Variants in RIN3 observed in about 807,000 individuals in gnomAD.
RIN3 encodes the protein Ras and Rab interactor 3.
A neutral mutation model predicts 76.3 loss-of-function variants in RIN3; 54 were observed. The observed-to-expected ratio is 0.71, with a 90% confidence interval of 0.57 to 0.89. RIN3 has a LOEUF of 0.89. RIN3 is among the 40% of genes least tolerant of loss of function. The pLI is 0.00. For missense variants in RIN3, 1,256 were observed against 1,322.1 expected (o/e 0.95, Z 0.78); for synonymous variants, 576 against 564.0 (o/e 1.02, Z -0.30).
intron 1 of RIN3, among the ~76,000 whole-genome samples, chr14:92,542,934 G>T (rs572013757): frequency 6.6e-6 from 1 of 152,156 alleles, no homozygotes; most frequent in Non-Finnish European, 1.5e-5. Flanking sequence ...TAGAGGGAAG[G>T]GGGCAGGGCT....
In RIN3 at chr14:92,688,149, C is replaced by G. The variant is rs1170522650; in HGVS notation, c.2855C>G (p.Pro952Arg). ...CIKGYLLRSE[P>R]KRDFHFVYRP... ...AAGGGCTACCTGCTGCGCAGCGAGC[C>G]CAAGCGCGACTTCCACTTTGTCTAC... The change falls in exon 10 of 10, where the codon CCC (proline) becomes CGC (arginine). Residue 952 changes from proline (P) to arginine (R), a missense_variant. By Grantham distance (103) the Pro-to-Arg change is moderately radical. Coordinates refer to ENST00000216487, the MANE Select transcript of RIN3 (RefSeq NM_024832.5). The G allele has an allele frequency of 1.9e-6, 3 of 1,610,166 alleles. No individual in the cohort carries two copies. The highest frequency in any genetic ancestry group is 2.5e-6 in the Non-Finnish European group (3 of 1,178,892).
intron 2 of RIN3, chr14:92,576,247 C>T: frequency 7.8e-7 from 1 of 1,286,118 alleles, no homozygotes; most frequent in Non-Finnish European, 1.0e-6. Flanking sequence ...TTTAAAACAG[C>T]AGAGTTTGTG....
chr14:92,659,109 G>T, intron 6 of RIN3, 52 bp from the exon 7 acceptor site: 1 of 1,557,906 alleles, frequency 6.4e-7, no homozygotes, highest in Non-Finnish European at 8.8e-7. Context: ...GAACCAGGTG[G>T]CAGGATCCCT....
intron 4 of RIN3, among the ~76,000 whole-genome samples, chr14:92,625,410 C>A (rs1259036010): frequency 6.6e-6 from 1 of 152,142 alleles, no homozygotes; most frequent in Non-Finnish European, 1.5e-5. Flanking sequence ...AAAGTGATTC[C>A]TGTTGTCTGA....
At chr14:92,537,634 CTTTTT>C (rs576683908) in intron 1 of RIN3, among the ~76,000 whole-genome samples, 64 of 51,638 alleles carry the variant, frequency 1.2e-3, no homozygotes, top group African/African-American at 3.9e-3. Flanking sequence ...GCCTTAGGGA[CTTTTT>C]TTTTTTTTTT....
At chr14:92,542,116 C>A (rs958549911) in intron 1 of RIN3, among the ~76,000 whole-genome samples, 5 of 152,056 alleles carry the variant, frequency 3.3e-5, no homozygotes, top group Non-Finnish European at 2.9e-5. Flanking sequence ...AACATAGACC[C>A]TGTCTGTACA....
Position 92,536,678 on chromosome 14 carries a change from G to T in RIN3, c.45-19073G>T, listed in dbSNP as rs573847869. On this transcript the variant is annotated intron_variant, in intron 1 of 9. Transcript: ENST00000216487. ...AATCACTTGAACCCGGGAGGTGGAGGTTGCTGTGAGCTGAGATCGCGCCAC... is the reference window on the plus strand; with the variant it reads ...AATCACTTGAACCCGGGAGGTGGAGTTTGCTGTGAGCTGAGATCGCGCCAC... Among the ~76,000 whole-genome samples the T allele has an allele frequency of 2.6e-5, 4 of 151,558 alleles. No homozygotes were observed. In the South Asian group the frequency reaches 8.4e-4, roughly 32 times the overall value.
intron 3 of RIN3, among the ~76,000 whole-genome samples, chr14:92,596,443 G>A (rs538219593): frequency 6.6e-6 from 1 of 152,294 alleles, no homozygotes; most frequent in East Asian, 1.9e-4. Context: ...ACCTGGGTCT[G>A]TAGATGCCAC....
intron 6 of RIN3, among the ~76,000 whole-genome samples, chr14:92,657,526 G>A (rs781347898): frequency 4.6e-5 from 7 of 152,168 alleles, no homozygotes; most frequent in African/African-American, 1.4e-4. Flanking sequence ...GAGATCCTGC[G>A]GCTCTTAGAT....
chr14:92,541,853 A>T (rs557777988), intron 1 of RIN3, among the ~76,000 whole-genome samples: 1 of 152,354 alleles, frequency 6.6e-6, no homozygotes, highest in East Asian at 1.9e-4. Flanking sequence ...CAGTCCATAG[A>T]ATGGGAGAAA....
chr14:92,672,243 T>TA (rs113945220), intron 7 of RIN3, among the ~76,000 whole-genome samples: 168 of 145,786 alleles, frequency 1.2e-3, no homozygotes, highest in South Asian at 3.2e-3. Flanking sequence ...CCATCTCTAC[T>TA]AAAAAAAAAA....
rs189317664 is a variant in RIN3 at position 92,520,525 on chromosome 14, C to T, written c.44+6549C>T. Among the ~76,000 whole-genome samples, 181 of 152,306 alleles carry T rather than the reference C, an allele frequency of 1.2e-3. 1 individual carries two copies. The highest frequency in any genetic ancestry group is 2.0e-3 in the Non-Finnish European group (137 of 68,032). The stretch of plus-strand genomic sequence containing the variant: ...CTTTTTATTCCCTAGTTAAGAGATG[C>T]GCCACCCTACCTCCCGACTGACATT... On this transcript the variant is annotated intron_variant, in intron 1 of 9. Coordinates refer to ENST00000216487, the MANE Select transcript of RIN3 (RefSeq NM_024832.5).
At chr14:92,633,275 A>C (rs1886655659) in intron 4 of RIN3, among the ~76,000 whole-genome samples, 1 of 152,156 alleles carries the variant, frequency 6.6e-6, no homozygotes, top group African/African-American at 2.4e-5. Flanking sequence ...TGCAAGGATC[A>C]TGGGGCCTGA....
intron 1 of RIN3, among the ~76,000 whole-genome samples, chr14:92,527,877 T>G (rs1896784925): frequency 6.6e-6 from 1 of 151,238 alleles, no homozygotes; most frequent in South Asian, 2.1e-4. Flanking sequence ...GATCTACCAG[T>G]GTGTTTATCC....
At chr14:92,569,657 C>G (rs972060425) in intron 2 of RIN3, among the ~76,000 whole-genome samples, 2 of 151,830 alleles carry the variant, frequency 1.3e-5, no homozygotes, top group East Asian at 3.9e-4. Flanking sequence ...GTGAGAAAAC[C>G]TAGAAATAGC....
At position 92,545,607 on chromosome 14, in the gene RIN3, G is replaced by A. The variant is rs556271368; in HGVS notation, c.45-10144G>A. Among the ~76,000 whole-genome samples the A allele has an allele frequency of 1.3e-3, 165 of 129,520 alleles. 1 individual carries two copies. Among genetic ancestry groups the A allele is most frequent in the Non-Finnish European group, 1.8e-3 (111 of 62,882 alleles). 85.0% of individuals were successfully genotyped at this position (129,520 alleles called of 152,430 possible). On this transcript the variant is annotated intron_variant, in intron 1 of 9. Coordinates refer to ENST00000216487, the MANE Select transcript of RIN3 (RefSeq NM_024832.5). Reference sequence around the variant, plus strand: ...CTTTTTTTTTTTTTTTTGAGATGGGGTCTTACTCTGTCACTGAGGCTGGAG... The same window carrying A: ...CTTTTTTTTTTTTTTTTGAGATGGGATCTTACTCTGTCACTGAGGCTGGAG...
chr14:92,685,292 C>G lies in RIN3; in HGVS notation c.2631+142C>G. On this transcript the variant is annotated intron_variant, in intron 9 of 9. Coordinates refer to ENST00000216487, the MANE Select transcript of RIN3 (RefSeq NM_024832.5). The surrounding 1 kb of genome is among the most constrained non-coding windows in gnomAD (Gnocchi z 4.7). ...TAGGGGAGCAGTGAGACTCCCCACA[C>G]CAGAGGAAGGGCCCCCAGCCCCTGC... 2.3e-6 allele frequency: 2 copies of G among 853,000 alleles called. No individual in the cohort carries two copies. The highest frequency in any genetic ancestry group is 3.5e-6 in the Non-Finnish European group (2 of 566,458). The allele number at this position is 853,000 out of a possible 1,614,324, so 52.8% of individuals were successfully genotyped here. A position where few individuals can be genotyped will look rare whatever the true frequency, so the allele number is the denominator to read the frequency against.
intron 3 of RIN3, among the ~76,000 whole-genome samples, chr14:92,594,935 T>G (rs919196889): frequency 3.3e-5 from 5 of 152,256 alleles, no homozygotes; most frequent in Admixed American, 6.5e-5. Context: ...ACATGTGTTT[T>G]CCTTTATAAT....
chr14:92,603,603 G>T (rs971079271), intron 3 of RIN3, among the ~76,000 whole-genome samples: 2 of 152,234 alleles, frequency 1.3e-5, no homozygotes, highest in African/African-American at 4.8e-5. Flanking sequence ...TTTGGGCTCT[G>T]CCTGGAGCAA....
Sources: allele counts gnomAD v4.1 joint callset (sites outside exome capture counted in the v4.1 genomes callset), GRCh38; gene constraint gnomAD v4.1.1; non-coding constraint Gnocchi (gnomAD v3.1); transcripts MANE v1.5; gene names NCBI Gene and HGNC (gene_info 2026-07-23, HGNC 2026-07-21).